The following ATP9A variants were observed in gnomAD, a reference collection of about 807,000 sequenced individuals.
The protein encoded by ATP9A is probable phospholipid-transporting ATPase IIA.
ATP9A carries 52 observed loss-of-function variants against 144.1 expected under a neutral mutation model. The ratio of observed to expected loss-of-function variants is 0.36; its 90% CI spans 0.29 to 0.45. The LOEUF (loss-of-function observed/expected upper bound fraction) is 0.45. Ranked by LOEUF, ATP9A falls within the 20% of genes least tolerant of loss-of-function variation. ATP9A has a pLI of 1.00. For missense variants in ATP9A, 947 were observed against 1,392.7 expected (o/e 0.68, Z 5.09); for synonymous variants, 582 against 557.4 (o/e 1.04, Z -0.62).
At chr20:51,712,199 A>G (rs928069678) in intron 4 of ATP9A, among the ~76,000 whole-genome samples, 2 of 151,794 alleles carry the variant, frequency 1.3e-5, no homozygotes, top group Admixed American at 6.6e-5. Flanking sequence ...CAGCCTCCCA[A>G]GTAGCTGGGA....
intron 2 of ATP9A, among the ~76,000 whole-genome samples, chr20:51,727,099 C>T (rs2077717723): frequency 1.3e-5 from 2 of 150,586 alleles, no homozygotes; most frequent in African/African-American, 4.9e-5. Context: ...CAAGACCATC[C>T]TGCCCAACAA....
rs1031387798 is a variant in ATP9A at position 51,600,115 on chromosome 20, G to A, written c.*1096C>T. 6.6e-6 allele frequency: 1 copy of A among 152,136 alleles called. No homozygotes were observed. The highest frequency in any genetic ancestry group is 1.5e-5 in the Non-Finnish European group (1 of 68,034). The allele number at this position is 152,136 out of a possible 1,614,324, so 9.4% of individuals were successfully genotyped here. A position where few individuals can be genotyped will look rare whatever the true frequency, so the allele number is the denominator to read the frequency against. ...TCCCAGATCCCAACGCTGTAGCTTG[G>A]GCGTCCTCCCACCAGGGGTTCCTTG... On this transcript the variant is annotated 3_prime_UTR_variant, in exon 28 of 28. Coordinates refer to ENST00000338821, the MANE Select transcript of ATP9A (RefSeq NM_006045.3).
At chr20:51,622,035 CA>C in intron 19 of ATP9A, 38 bp downstream of exon 19, 3 of 1,574,184 alleles carry the variant, frequency 1.9e-6, no homozygotes, top group Non-Finnish European at 2.6e-6. Flanking sequence ...ACAAATCGAA[CA>C]TCATCCCCAC....
At chr20:51,697,301 C>T (rs979549841) in intron 5 of ATP9A, 123 bp downstream of exon 5, 1 of 799,486 alleles carries the variant, frequency 1.3e-6, no homozygotes, top group Non-Finnish European at 2.0e-6. Flanking sequence ...AGATTTTTCT[C>T]CCCAGGCAAA....
At chr20:51,702,724 T>C (rs1568827657) in intron 4 of ATP9A, among the ~76,000 whole-genome samples, 4 of 152,156 alleles carry the variant, frequency 2.6e-5, no homozygotes, top group African/African-American at 7.2e-5. Flanking sequence ...AAACACATGA[T>C]TTCTAACTTC....
chr20:51,642,725 CCAAAAAAAAAAAAAAAAAAAAAAA>C (rs1302170460), intron 14 of ATP9A, among the ~76,000 whole-genome samples: 3 of 65,598 alleles, frequency 4.6e-5, no homozygotes, highest in East Asian at 4.7e-4. Flanking sequence ...GACTCTGTCT[CCAAAAAAAAAAAAAAAAAAAAAAA>C]AAAAAAAAAA....
At chr20:51,759,917 G>T (rs114525132) in intron 1 of ATP9A, among the ~76,000 whole-genome samples, 1 of 151,968 alleles carries the variant, frequency 6.6e-6, no homozygotes, top group Non-Finnish European at 1.5e-5. Flanking sequence ...TAATGGATGC[G>T]TGCAGTGTAG....
At chr20:51,741,799 G>A (rs1330460328) in intron 1 of ATP9A, among the ~76,000 whole-genome samples, 1 of 152,062 alleles carries the variant, frequency 6.6e-6, no homozygotes, top group Non-Finnish European at 1.5e-5. Flanking sequence ...TGGGTATCTG[G>A]CAATATCTGG....
At chr20:51,615,476 A>C (rs1366904763) in intron 22 of ATP9A, among the ~76,000 whole-genome samples, 1 of 152,160 alleles carries the variant, frequency 6.6e-6, no homozygotes, top group Non-Finnish European at 1.5e-5. Context: ...ATACATGAAA[A>C]TTACATATAT....
At chr20:51,689,237 T>G in intron 8 of ATP9A, 98 bp from the exon 9 acceptor site, 1 of 1,228,518 alleles carries the variant, frequency 8.1e-7, no homozygotes. Context: ...AAAGACAGGC[T>G]CCCCCCGATG....
At chr20:51,612,813 C>T (rs1361646952) in intron 23 of ATP9A, among the ~76,000 whole-genome samples, 1 of 152,132 alleles carries the variant, frequency 6.6e-6, no homozygotes, top group Non-Finnish European at 1.5e-5. Flanking sequence ...AAGATGGGAA[C>T]AAGATGTTAA....
At chr20:51,680,135 CAGA>C (rs374900990) in intron 9 of ATP9A, among the ~76,000 whole-genome samples, 1 of 149,428 alleles carries the variant, frequency 6.7e-6, no homozygotes, top group Admixed American at 6.8e-5. Context: ...GAGGCCGACG[CAGA>C]AGAATAGCTT....
intron 1 of ATP9A, among the ~76,000 whole-genome samples, chr20:51,737,648 T>C (rs2077768059): frequency 6.6e-6 from 1 of 152,246 alleles, no homozygotes; most frequent in African/African-American, 2.4e-5. Flanking sequence ...TCACTTGACT[T>C]GTACTTTTTG....
intron 4 of ATP9A, among the ~76,000 whole-genome samples, chr20:51,704,510 G>A (rs755906498): frequency 1.3e-5 from 2 of 152,202 alleles, no homozygotes; most frequent in Non-Finnish European, 2.9e-5. Context: ...GCGGGGCACA[G>A]TGGCTCAGGC....
intron 1 of ATP9A, among the ~76,000 whole-genome samples, chr20:51,744,992 T>C (rs2077801527): frequency 6.6e-6 from 1 of 151,688 alleles, no homozygotes; most frequent in Non-Finnish European, 1.5e-5. Flanking sequence ...TAGCTGGGCA[T>C]GGGCCGGGTG....
chr20:51,704,606 C>A (rs1288091358), intron 4 of ATP9A, among the ~76,000 whole-genome samples: 1 of 152,000 alleles, frequency 6.6e-6, no homozygotes, highest in Non-Finnish European at 1.5e-5. Context: ...CATGGAGAAA[C>A]ACCGTCTCTA....
At chr20:51,606,017 C>T (rs2077162120) in intron 26 of ATP9A, among the ~76,000 whole-genome samples, 1 of 151,964 alleles carries the variant, frequency 6.6e-6, no homozygotes, top group Non-Finnish European at 1.5e-5. Flanking sequence ...CGCCTGTAAT[C>T]CCAACACTTT....
chr20:51,732,345 T>G (rs1037888418), intron 1 of ATP9A: 1 of 152,558 alleles, frequency 6.6e-6, no homozygotes, highest in Non-Finnish European at 1.5e-5. Flanking sequence ...CCCCCTGGGA[T>G]GTCGCCAGCT....
At chr20:51,665,089 T>G (rs924477558) in intron 13 of ATP9A, among the ~76,000 whole-genome samples, 1 of 83,528 alleles carries the variant, frequency 1.2e-5, no homozygotes, top group Non-Finnish European at 2.9e-5. Context: ...ATAAAGTACA[T>G]ACACCTGCTA....
Sources: allele counts gnomAD v4.1 joint callset (sites outside exome capture counted in the v4.1 genomes callset), GRCh38; gene constraint gnomAD v4.1.1; transcripts MANE v1.5; gene names NCBI Gene and HGNC (gene_info 2026-07-23, HGNC 2026-07-21).